The following RPH3A variants were observed in gnomAD, a reference collection of about 807,000 sequenced individuals.
RPH3A encodes the protein rabphilin 3A.
In RPH3A, 48 loss-of-function variants were observed where a neutral mutation model predicts 102.2. The observed-to-expected ratio is 0.47, with a 90% CI of 0.37 to 0.60. The LOEUF (loss-of-function observed/expected upper bound fraction) is 0.60, where lower values mean the gene tolerates loss of function less well. Ranked by LOEUF, RPH3A falls within the 20% of genes least tolerant of loss-of-function variation. The pLI, the probability that RPH3A is intolerant of heterozygous loss-of-function variation, is 0.00. For synonymous variants in RPH3A, 310 were observed against 324.3 expected (o/e 0.96, Z 0.47); for missense variants, 781 against 910.1 (o/e 0.86, Z 1.83).
At chr12:112,586,018 A>G (rs539286129) in intron 1 of RPH3A, among the ~76,000 whole-genome samples, 3 of 152,124 alleles carry the variant, frequency 2.0e-5, no homozygotes, top group Non-Finnish European at 2.9e-5. Flanking sequence ...TGATGCTGGT[A>G]GTCTGATCCA....
chr12:112,655,205 G>T (rs915398986), intron 1 of RPH3A, among the ~76,000 whole-genome samples: 1 of 152,254 alleles, frequency 6.6e-6, no homozygotes, highest in African/African-American at 2.4e-5. Flanking sequence ...ATGGATGAAA[G>T]TCCTTTCAGG....
At chr12:112,576,073 C>T (rs1202326037) in intron 1 of RPH3A, among the ~76,000 whole-genome samples, 1 of 152,202 alleles carries the variant, frequency 6.6e-6, no homozygotes, top group African/African-American at 2.4e-5. Flanking sequence ...TTCATTGAAT[C>T]CTCACCACGC....
chr12:112,817,584 G>A (rs563666728), intron 2 of RPH3A, among the ~76,000 whole-genome samples: 15 of 149,594 alleles, frequency 1.0e-4, no homozygotes, highest in East Asian at 2.0e-4. Flanking sequence ...CCCCGCACAC[G>A]CAGCCTTTTT....
At chr12:112,747,396 C>A (rs979503358) in intron 1 of RPH3A, among the ~76,000 whole-genome samples, 1 of 152,174 alleles carries the variant, frequency 6.6e-6, no homozygotes, top group Admixed American at 6.5e-5. Flanking sequence ...TCTGCTGGTG[C>A]TTTGATCTTG....
At chr12:112,868,129 T>C (rs538388219) in intron 7 of RPH3A, 4 of 277,112 alleles carry the variant, frequency 1.4e-5, no homozygotes, top group Admixed American at 4.7e-5. Flanking sequence ...AGTTGAGCCC[T>C]TGTTTTTCCA....
Position 112,890,841 on chromosome 12 carries a change from C to T in RPH3A, c.1621-8C>T. On this transcript the variant is annotated splice_polypyrimidine_tract_variant and splice_region_variant and intron_variant, in intron 18 of 21. Transcript: ENST00000389385. ...CCAAGGCCCACACTGCCTTTTCCCC[C>T]AATGCAGCAGGTGGAGCGTGTTGGT... 2 of 1,612,648 alleles carry T rather than the reference C, an allele frequency of 1.2e-6. No individual in the cohort carries two copies. The highest frequency in any genetic ancestry group is 1.7e-6 in the Non-Finnish European group (2 of 1,179,214).
intron 1 of RPH3A, among the ~76,000 whole-genome samples, chr12:112,638,818 G>C: frequency 6.6e-6 from 1 of 152,286 alleles, no homozygotes. Context: ...CCCTATATGA[G>C]ATGAGGAAAC....
chr12:112,732,137 G>C (rs2040639127), intron 1 of RPH3A, among the ~76,000 whole-genome samples: 1 of 152,174 alleles, frequency 6.6e-6, no homozygotes, highest in South Asian at 2.1e-4. Flanking sequence ...AGTGTTCTCT[G>C]ACTGGTGTCC....
In RPH3A at chr12:112,725,957, G is replaced by C. The variant is rs528660760; in HGVS notation, c.-139-66186G>C. On this transcript the variant is annotated intron_variant, in intron 1 of 21. Coordinates refer to the RPH3A transcript ENST00000543106. ...ACTACAGGCACCCGCCACCACGCCC[G>C]GCTAATTTGTTGTGTATTTAGTACA... Among the ~76,000 whole-genome samples the C allele has an allele frequency of 1.2e-4, 18 of 152,008 alleles. No homozygotes were observed. In the East Asian group the frequency reaches 3.1e-3, roughly 26 times the overall value.
In RPH3A at chr12:112,836,055, G is replaced by A. The variant is rs116738097; in HGVS notation, c.72-436G>A. On this transcript the variant is annotated intron_variant, in intron 3 of 21. Transcript: ENST00000389385. ...CGGAGATGCTGGTCTCCGGTCTAGA[G>A]TGGAAGAACTTGCCTCCCCAAACTG... 4.2e-3 allele frequency among the ~76,000 whole-genome samples: 646 copies of A among 152,316 alleles called. 1 individual carries two copies. Among genetic ancestry groups the A allele is most frequent in the African/African-American group, 0.015 (607 of 41,556 alleles).
At chr12:112,830,623 C>T (rs1721855145) in intron 3 of RPH3A, among the ~76,000 whole-genome samples, 1 of 152,184 alleles carries the variant, frequency 6.6e-6, no homozygotes, top group Middle Eastern at 3.4e-3. Context: ...CACCATGGAT[C>T]TGTCAATTTC....
chr12:112,890,347 C>T (rs887172168), intron 18 of RPH3A, among the ~76,000 whole-genome samples: 1 of 152,220 alleles, frequency 6.6e-6, no homozygotes, highest in Non-Finnish European at 1.5e-5. Context: ...GACAATTCTA[C>T]TGACTAGGGC....
chr12:112,652,925 T>C (rs2039985326), intron 1 of RPH3A, among the ~76,000 whole-genome samples: 1 of 152,158 alleles, frequency 6.6e-6, no homozygotes. Context: ...TCAACCTAGA[T>C]GGTATAGCCT....
intron 1 of RPH3A, among the ~76,000 whole-genome samples, chr12:112,590,599 G>A (rs1045945912): frequency 2.6e-5 from 4 of 152,228 alleles, no homozygotes; most frequent in Non-Finnish European, 4.4e-5. Flanking sequence ...CATTGTTTTA[G>A]AGATGAAACA....
rs556297298 is a variant in RPH3A, at chr12:112,658,120, T to A, written c.-140+82801T>A. ...GTAGGGCATCTCTGGAAGACTTTGA[T>A]GGAGGAATAGTGGGATCTGATTTTA... On this transcript the variant is annotated intron_variant, in intron 1 of 21. Coordinates refer to the RPH3A transcript ENST00000543106. Among the ~76,000 whole-genome samples the A allele has an allele frequency of 1.4e-4, 22 of 152,296 alleles. No homozygotes were observed. The South Asian group carries it at 1.5e-3, about 10-fold the overall frequency.
At chr12:112,608,033 A>T (rs763996649) in intron 1 of RPH3A, among the ~76,000 whole-genome samples, 1 of 152,124 alleles carries the variant, frequency 6.6e-6, no homozygotes, top group Non-Finnish European at 1.5e-5. Flanking sequence ...ACACATGCCC[A>T]GGGACTTTAA....
chr12:112,890,832 C>G lies in RPH3A; in HGVS notation c.1621-17C>G. On this transcript the variant is annotated splice_polypyrimidine_tract_variant and intron_variant, in intron 18 of 21. Transcript: ENST00000389385. ...CCCTCCCCTCCAAGGCCCACACTGC[C>G]TTTTCCCCCAATGCAGCAGGTGGAG... 1 of 1,611,876 alleles carries G rather than the reference C, an allele frequency of 6.2e-7. No homozygotes were observed. The highest frequency in any genetic ancestry group is 1.3e-5 in the African/African-American group (1 of 74,998).
At chr12:112,748,402 T>G (rs1378365071) in intron 1 of RPH3A, among the ~76,000 whole-genome samples, 2 of 152,168 alleles carry the variant, frequency 1.3e-5, no homozygotes, top group African/African-American at 4.8e-5. Context: ...GTTGCAATCA[T>G]AGCTCACAGC....
chr12:112,593,076 G>T (rs2039490765), intron 1 of RPH3A, among the ~76,000 whole-genome samples: 1 of 152,192 alleles, frequency 6.6e-6, no homozygotes, highest in African/African-American at 2.4e-5. Flanking sequence ...TTTGGGAGAT[G>T]ATTAGGACCT....
Sources: allele counts gnomAD v4.1 joint callset (sites outside exome capture counted in the v4.1 genomes callset), GRCh38; gene constraint gnomAD v4.1.1; transcripts MANE v1.5; gene names NCBI Gene and HGNC (gene_info 2026-07-23, HGNC 2026-07-21).